The following PDGFRL variants were observed in gnomAD, a reference collection of about 807,000 sequenced individuals.
PDGFRL encodes the protein platelet-derived growth factor receptor-like protein.
A neutral mutation model predicts 37.2 loss-of-function variants in PDGFRL; 46 were observed. The ratio of observed to expected loss-of-function variants is 1.24; its 90% confidence interval spans 0.98 to 1.58. The LOEUF is 1.58. Among genes scored for constraint, PDGFRL ranks in the 40% most tolerant of loss-of-function variants. The probability of loss-of-function intolerance (pLI) is 0.00; values close to 1 mark genes in which losing one functional copy is unlikely to be tolerated. For synonymous variants in PDGFRL, 251 were observed against 184.3 expected, an observed-to-expected ratio of 1.36 and a Z score of -2.93; for missense variants, 692 against 467.6, an observed-to-expected ratio of 1.48 and a Z score of -4.43.
intron 3 of PDGFRL, among the ~76,000 whole-genome samples, chr8:17,627,814 C>G (rs1804763568): frequency 6.6e-6 from 1 of 151,640 alleles, no homozygotes; most frequent in African/African-American, 2.4e-5. Flanking sequence ...AGTGTGGTCA[C>G]TTACTTCAAA....
At chr8:17,625,299 G>A (rs1351353702) in intron 3 of PDGFRL, among the ~76,000 whole-genome samples, 1 of 152,136 alleles carries the variant, frequency 6.6e-6, no homozygotes, top group Non-Finnish European at 1.5e-5. Flanking sequence ...TTACAGGCAT[G>A]CGCCACAGTG....
At position 17,628,622 on chromosome 8, in the gene PDGFRL, A is replaced by C. The variant is rs200991735; in HGVS notation, c.641A>C (p.Lys214Thr). 1.3e-5 allele frequency: 21 copies of C among 1,614,186 alleles called. No homozygotes were observed. The East Asian group carries it at 4.5e-4, about 34-fold the overall frequency. Reference protein sequence around the residue: ...KVTLHREFPAKEIPANGTDIV... With the variant: ...KVTLHREFPATEIPANGTDIV... ...ACGCTCCACAGGGAATTCCCAGCCAAGGAGATCCCAGCCAATGGAACGGAC... is the reference window on the plus strand; with the variant it reads ...ACGCTCCACAGGGAATTCCCAGCCACGGAGATCCCAGCCAATGGAACGGAC... The change falls in exon 4 of 6, where the codon AAG becomes ACG. Residue 214 changes from lysine to threonine, a missense_variant. Transcript: ENST00000251630.
intron 2 of PDGFRL, among the ~76,000 whole-genome samples, chr8:17,611,059 C>A (rs966500087): frequency 3.3e-5 from 5 of 152,226 alleles, no homozygotes; most frequent in Admixed American, 1.3e-4. Flanking sequence ...ACAGTCAACT[C>A]ATGTTTCTTT....
chr8:17,592,718 C>T (rs1803966004), intron 2 of PDGFRL, among the ~76,000 whole-genome samples: 1 of 152,070 alleles, frequency 6.6e-6, no homozygotes, highest in Admixed American at 6.6e-5. Flanking sequence ...CCATGGCAGG[C>T]CCCCCCAGCT....
chr8:17,613,806 C>G (rs894008754), intron 2 of PDGFRL, among the ~76,000 whole-genome samples: 3 of 152,070 alleles, frequency 2.0e-5, no homozygotes, highest in African/African-American at 7.2e-5. Flanking sequence ...GTGAACCCCA[C>G]GGAGGTCACA....
intron 3 of PDGFRL, among the ~76,000 whole-genome samples, chr8:17,625,408 C>T (rs1804713745): frequency 6.6e-6 from 1 of 151,772 alleles, no homozygotes; most frequent in South Asian, 2.1e-4. Context: ...CCTTGGCCTC[C>T]CAAAGTGCCG....
In PDGFRL at chr8:17,605,649, G is replaced by A. The variant is rs761287100; in HGVS notation, c.354-15402G>A. Among the ~76,000 whole-genome samples, 6 of 152,328 alleles carry A rather than the reference G, an allele frequency of 3.9e-5. No homozygotes were observed. In the East Asian group the frequency reaches 5.8e-4, roughly 15 times the overall value. ...TCAATGCTGGTAGGAACAAGGAGAC[G>A]TTGGAGATTTCAGCTATGTTGTCAG... On this transcript the variant is annotated intron_variant, in intron 2 of 5. Coordinates refer to ENST00000251630, the MANE Select transcript of PDGFRL (RefSeq NM_001372073.1).
At chr8:17,635,121 CTT>C (rs1323917567) in intron 5 of PDGFRL, among the ~76,000 whole-genome samples, 2 of 152,028 alleles carry the variant, frequency 1.3e-5, no homozygotes, top group African/African-American at 4.8e-5. Context: ...AGAGTGTTCT[CTT>C]TGTTTTTAAT....
chr8:17,613,861 A>G (rs1804471214), intron 2 of PDGFRL, among the ~76,000 whole-genome samples: 2 of 152,194 alleles, frequency 1.3e-5, no homozygotes, highest in South Asian at 2.1e-4. Context: ...CCCATCTCAA[A>G]AAAGAAAAGC....
chr8:17,641,948 A>C (rs1805119734), intron 5 of PDGFRL, among the ~76,000 whole-genome samples: 1 of 129,140 alleles, frequency 7.7e-6, no homozygotes, highest in South Asian at 2.5e-4. Context: ...TCACTTAGTG[A>C]TATATTAGTT....
chr8:17,582,967 C>G (rs1407438874), intron 1 of PDGFRL, among the ~76,000 whole-genome samples: 2 of 152,134 alleles, frequency 1.3e-5, no homozygotes, highest in African/African-American at 2.4e-5. Flanking sequence ...CTAGCCTTCA[C>G]TTAAAAGGTC....
At chr8:17,628,063 G>C (rs543219098) in intron 3 of PDGFRL, among the ~76,000 whole-genome samples, 51 of 137,448 alleles carry the variant, frequency 3.7e-4, no homozygotes, top group Non-Finnish European at 6.8e-4. Flanking sequence ...GCGCTATCTC[G>C]GCTCACTGCA....
intron 1 of PDGFRL, among the ~76,000 whole-genome samples, chr8:17,588,069 C>T (rs1030554675): frequency 1.3e-5 from 2 of 152,054 alleles, no homozygotes; most frequent in African/African-American, 4.8e-5. Context: ...ATAAGGGTGC[C>T]TTACTTATAG....
chr8:17,589,701 A>G lies in PDGFRL; in HGVS notation c.289A>G (p.Lys97Glu), dbSNP rs764691312. ...LAGQTVELRCKGSRIGWSYPA... is the reference protein window; with the variant it reads ...LAGQTVELRCEGSRIGWSYPA... ...GGGGCAAACTGTAGAGCTTCGATGT[A>G]AAGGGAGTAGAATTGGGTGGAGCTA... Residue 97 changes from lysine to glutamate, a missense_variant, in exon 2 of 6, where the codon AAA (lysine) becomes GAA (glutamate). By Grantham distance (56) the Lys-to-Glu change is moderately conservative (BLOSUM62 1). Transcript: ENST00000251630. 6.2e-7 allele frequency: 1 copy of G among 1,613,502 alleles called. No homozygotes were observed. Among genetic ancestry groups the G allele is most frequent in the Admixed American group, 1.7e-5 (1 of 60,034 alleles).
chr8:17,587,917 A>G (rs1227392857), intron 1 of PDGFRL, among the ~76,000 whole-genome samples: 1 of 152,152 alleles, frequency 6.6e-6, no homozygotes, highest in African/African-American at 2.4e-5. Flanking sequence ...GGCATGAGCC[A>G]CCACACCTGG....
At chr8:17,587,850 A>C (rs1186818123) in intron 1 of PDGFRL, among the ~76,000 whole-genome samples, 1 of 151,994 alleles carries the variant, frequency 6.6e-6, no homozygotes, top group Non-Finnish European at 1.5e-5. Flanking sequence ...GGCTGGTCTC[A>C]AACTTCTGAC....
intron 2 of PDGFRL, among the ~76,000 whole-genome samples, chr8:17,612,938 T>C (rs1434904728): frequency 6.6e-6 from 1 of 152,218 alleles, no homozygotes; most frequent in Non-Finnish European, 1.5e-5. Flanking sequence ...TGATTAACTT[T>C]TCCCGTAATC....
chr8:17,600,473 T>G (rs1804143755), intron 2 of PDGFRL, among the ~76,000 whole-genome samples: 1 of 152,080 alleles, frequency 6.6e-6, no homozygotes, highest in Admixed American at 6.6e-5. Flanking sequence ...AGCTCCAGAC[T>G]GAGCTACCTA....
chr8:17,604,430 T>C (rs1224107713), intron 2 of PDGFRL, among the ~76,000 whole-genome samples: 1 of 152,176 alleles, frequency 6.6e-6, no homozygotes, highest in Admixed American at 6.5e-5. Context: ...TTCATGTCCT[T>C]TGTAGGGACA....
Sources: allele counts gnomAD v4.1 joint callset (sites outside exome capture counted in the v4.1 genomes callset), GRCh38; gene constraint gnomAD v4.1.1; transcripts MANE v1.5; gene names NCBI Gene and HGNC (gene_info 2026-07-23, HGNC 2026-07-21).